The following GPM6A variants were observed in gnomAD, a reference collection of about 807,000 sequenced individuals.
The protein encoded by GPM6A is neuronal membrane glycoprotein M6-a.
In GPM6A, 7 loss-of-function variants were observed where a neutral mutation model predicts 32.1. The ratio of observed to expected loss-of-function variants is 0.22; its 90% CI spans 0.12 to 0.41. The LOEUF (loss-of-function observed/expected upper bound fraction) is 0.41, where lower values mean the gene tolerates loss of function less well. Among genes scored for constraint, GPM6A ranks in the 10% least tolerant of loss-of-function variants. The probability of loss-of-function intolerance (pLI) is 1.00; values close to 1 mark genes in which losing one functional copy is unlikely to be tolerated. For synonymous variants in GPM6A, 130 were observed against 123.4 expected, an observed-to-expected ratio of 1.05 and a Z score of -0.35; for missense variants, 235 against 347.2, an observed-to-expected ratio of 0.68 and a Z score of 2.57.
At chr4:175,716,351 T>C (rs1027630527) in intron 1 of GPM6A, among the ~76,000 whole-genome samples, 7 of 152,156 alleles carry the variant, frequency 4.6e-5, no homozygotes, top group African/African-American at 1.7e-4. Context: ...TGTGTTTTCC[T>C]CCTATAACTC....
chr4:175,724,634 G>GA (rs1401533249), intron 1 of GPM6A, among the ~76,000 whole-genome samples: 2 of 152,014 alleles, frequency 1.3e-5, no homozygotes, highest in South Asian at 2.1e-4. Context: ...GAAGCTGGTA[G>GA]AAAAAATGAA....
At chr4:175,744,595 C>A (rs1732023354) in intron 1 of GPM6A, among the ~76,000 whole-genome samples, 1 of 151,584 alleles carries the variant, frequency 6.6e-6, no homozygotes, top group African/African-American at 2.4e-5. Context: ...AAAAAATAGC[C>A]CAATATCAAT....
chr4:175,805,759 C>T (rs1579522582), intron 1 of GPM6A, among the ~76,000 whole-genome samples: 1 of 152,016 alleles, frequency 6.6e-6, no homozygotes, highest in East Asian at 1.9e-4. Context: ...TTCCTTTTTT[C>T]TCTGACCTCA....
intron 1 of GPM6A, among the ~76,000 whole-genome samples, chr4:175,918,175 A>G (rs1738555259): frequency 6.6e-6 from 1 of 152,114 alleles, no homozygotes; most frequent in South Asian, 2.1e-4. Context: ...AAGAAACTTT[A>G]TAATGAAGAC....
intron 1 of GPM6A, among the ~76,000 whole-genome samples, chr4:175,823,159 T>A (rs1265914794): frequency 6.6e-6 from 1 of 152,196 alleles, no homozygotes; most frequent in African/African-American, 2.4e-5. Context: ...AATGAGGAAC[T>A]GAGATTTGAA....
At chr4:175,813,640 A>G (rs889813708), upstream of GPM6A, among the ~76,000 whole-genome samples, 1 of 152,134 alleles carries the variant, frequency 6.6e-6, no homozygotes, top group African/African-American at 2.4e-5. Context: ...TTAATGAAAA[A>G]TAGCTCACAT....
intron 1 of GPM6A, among the ~76,000 whole-genome samples, chr4:175,982,932 G>C (rs1450660193): frequency 1.3e-5 from 2 of 151,774 alleles, no homozygotes; most frequent in Non-Finnish European, 1.5e-5. Flanking sequence ...TGCATAAACG[G>C]CATGTACATA....
At chr4:175,999,259 T>C (rs1741403459) in intron 1 of GPM6A, among the ~76,000 whole-genome samples, 1 of 152,242 alleles carries the variant, frequency 6.6e-6, no homozygotes. Context: ...TCCTGACCTA[T>C]CTTTCCAATG....
At chr4:175,731,561 C>G (rs1269539814) in intron 1 of GPM6A, among the ~76,000 whole-genome samples, 3 of 152,182 alleles carry the variant, frequency 2.0e-5, no homozygotes, top group African/African-American at 7.2e-5. Flanking sequence ...CTGGCACAGG[C>G]CAGGCTCTAT....
At chr4:175,904,378 G>C (rs1050612225) in intron 1 of GPM6A, among the ~76,000 whole-genome samples, 3 of 152,058 alleles carry the variant, frequency 2.0e-5, no homozygotes, top group Non-Finnish European at 4.4e-5. Context: ...AAAGATATTT[G>C]ACTTTGAGTG....
At chr4:175,684,480 C>A (rs1023618180) in intron 2 of GPM6A, among the ~76,000 whole-genome samples, 1 of 151,716 alleles carries the variant, frequency 6.6e-6, no homozygotes, top group Non-Finnish European at 1.5e-5. Flanking sequence ...TTGGGTGGCA[C>A]AAGAATTGAT....
intron 1 of GPM6A, among the ~76,000 whole-genome samples, chr4:175,802,822 C>T (rs1734523281): frequency 6.6e-6 from 1 of 152,084 alleles, no homozygotes; most frequent in African/African-American, 2.4e-5. Context: ...ATGTATTTGA[C>T]TTCATTGCCA....
intron 2 of GPM6A, among the ~76,000 whole-genome samples, chr4:175,680,170 T>C (rs537810816): frequency 6.6e-6 from 1 of 152,274 alleles, no homozygotes; most frequent in East Asian, 1.9e-4. Context: ...TATATATACA[T>C]GTGCACATGT....
At chr4:175,826,000 C>A (rs1213655924) in intron 1 of GPM6A, among the ~76,000 whole-genome samples, 4 of 151,956 alleles carry the variant, frequency 2.6e-5, no homozygotes, top group African/African-American at 9.7e-5. Context: ...GACAACATAG[C>A]AAAACCCCAT....
At chr4:175,943,726 A>C (rs1282204691) in intron 1 of GPM6A, among the ~76,000 whole-genome samples, 1 of 152,200 alleles carries the variant, frequency 6.6e-6, no homozygotes, top group African/African-American at 2.4e-5. Context: ...CCCAGGGATG[A>C]AGCCAATGTG....
chr4:175,839,711 A>G (rs1735878963), intron 1 of GPM6A, among the ~76,000 whole-genome samples: 1 of 152,188 alleles, frequency 6.6e-6, no homozygotes. Context: ...AGTCTTGAAC[A>G]CTAGATTTCA....
At chr4:175,672,961 GCTTA>G (rs1211479394) in intron 3 of GPM6A, among the ~76,000 whole-genome samples, 1 of 152,142 alleles carries the variant, frequency 6.6e-6, no homozygotes, top group Non-Finnish European at 1.5e-5. Flanking sequence ...ATTAGAGACA[GCTTA>G]CTTAACATGA....
At chr4:175,668,388 A>AC (rs1376559624) in intron 3 of GPM6A, among the ~76,000 whole-genome samples, 1 of 150,980 alleles carries the variant, frequency 6.6e-6, no homozygotes, top group Admixed American at 6.6e-5. Flanking sequence ...CCTACACCCC[A>AC]CCCCCCAAAT....
At chr4:175,640,868 GT>G (rs1560845400) in intron 4 of GPM6A, 39 bp from the exon 5 acceptor site, 2 of 1,283,874 alleles carry the variant, frequency 1.6e-6, no homozygotes, top group African/African-American at 2.9e-5. Flanking sequence ...CAGTATAAAT[GT>G]TTTGAAGAGC....
Sources: gnomAD v4.1 joint callset for allele counts (sites outside exome capture counted in the v4.1 genomes callset) on GRCh38, gnomAD v4.1.1 for gene constraint, MANE v1.5 for transcripts, NCBI Gene and HGNC (gene_info 2026-07-23, HGNC 2026-07-21) for gene names.